Variants in TET3 observed in about 807,000 individuals in gnomAD.
TET3 encodes methylcytosine dioxygenase TET3.
Under a neutral mutation model 141.4 loss-of-function variants are expected in TET3, and 19 were observed. The observed-to-expected ratio is 0.13, with a 90% CI of 0.09 to 0.20. The LOEUF (loss-of-function observed/expected upper bound fraction) is 0.20, where lower values mean the gene tolerates loss of function less well. Ranked by LOEUF, TET3 falls within the 10% of genes least tolerant of loss-of-function variation. TET3 has a pLI of 1.00. For missense variants in TET3, 1,874 were observed against 2,356.9 expected, an observed-to-expected ratio of 0.80 and a Z score of 4.24; for synonymous variants, 1,043 against 980.9, an observed-to-expected ratio of 1.06 and a Z score of -1.18.
chr2:74,054,626 G>T (rs910745087), intron 4 of TET3, among the ~76,000 whole-genome samples: 7 of 138,148 alleles, frequency 5.1e-5, no homozygotes, highest in African/African-American at 1.9e-4. Flanking sequence ...AGAAGCCCCA[G>T]AATGGAAGTT....
Position 73,986,296 on chromosome 2 carries a change from A to G in TET3, c.-108A>G. The G allele has an allele frequency of 9.6e-7, 1 of 1,044,814 alleles. No homozygotes were observed. The highest frequency in any genetic ancestry group is 1.2e-6 in the Non-Finnish European group (1 of 818,042). The allele number at this position is 1,044,814 out of a possible 1,614,324, so 64.7% of individuals were successfully genotyped here. A position where few individuals can be genotyped will look rare whatever the true frequency, so the allele number is the denominator to read the frequency against. The stretch of plus-strand genomic sequence containing the variant: ...TGAAGCCACTTGCCTTCACCCTTGT[A>G]GACTCTTGACTGTTCTAGGCGAGAA... On this transcript the variant is annotated 5_prime_UTR_variant, in exon 2 of 12. Coordinates refer to ENST00000409262, the MANE Select transcript of TET3 (RefSeq NM_001287491.2).
intron 2 of TET3, among the ~76,000 whole-genome samples, chr2:73,995,094 G>A (rs1241416557): frequency 6.6e-6 from 1 of 152,012 alleles, no homozygotes; most frequent in African/African-American, 2.4e-5. Flanking sequence ...CAGGTAGCTG[G>A]GACTGCAGGC....
rs749710211 is a variant in TET3 at position 74,046,495 on chromosome 2, G to A, written c.578G>A (p.Arg193His). The A allele has an allele frequency of 9.9e-6, 16 of 1,613,796 alleles. No homozygotes were observed. Among genetic ancestry groups the A allele is most frequent in the South Asian group, 3.3e-5 (3 of 91,084 alleles). Residue 193 changes from arginine to histidine, a missense_variant, in exon 4 of 12, where the codon CGC (arginine) becomes CAC (histidine). By Grantham distance (29) the Arg-to-His change is conservative. Around this residue, in one of 10 missense-constraint regions of TET3, gnomAD observed 366 missense variants for 487.0 expected, o/e 0.75. Transcript: ENST00000409262. The surrounding 1 kb of genome is among the most constrained non-coding windows in gnomAD (Gnocchi z 4.3). ...EAAPGPAHTA[R>H]LEDAHDLVAF... Reference sequence around the variant, plus strand: ...GCCCCAGGCCCAGCTCATACTGCTCGCCTGGAAGATGCCCACGATCTGGTG... The same window carrying A: ...GCCCCAGGCCCAGCTCATACTGCTCACCTGGAAGATGCCCACGATCTGGTG...
intron 3 of TET3, among the ~76,000 whole-genome samples, chr2:74,037,551 C>T (rs1340710050): frequency 2.6e-5 from 4 of 152,152 alleles, no homozygotes; most frequent in Non-Finnish European, 5.9e-5. Flanking sequence ...GGGGTGTTGC[C>T]ACCACTATCT....
chr2:74,100,580 T>C lies in TET3; in HGVS notation c.3792T>C (p.Tyr1264=). The C allele has an allele frequency of 6.2e-7, 1 of 1,613,786 alleles. No homozygotes were observed. Among genetic ancestry groups the C allele is most frequent in the Non-Finnish European group, 8.5e-7 (1 of 1,179,798 alleles). Residue 1264 remains tyrosine (Y), a synonymous_variant, in exon 12 of 12, where the codon TAT becomes TAC. Transcript: ENST00000409262. ...MNSVYSYHSY[Y]AQPSLTSVNG... Reference sequence around the variant, plus strand: ...GCGTGTACTCCTACCACTCCTACTATGCACAGCCCAGCCTGACCTCCGTCA... The same window carrying C: ...GCGTGTACTCCTACCACTCCTACTACGCACAGCCCAGCCTGACCTCCGTCA...
At chr2:74,085,509 A>C (rs1690076001) in intron 6 of TET3, among the ~76,000 whole-genome samples, 1 of 152,180 alleles carries the variant, frequency 6.6e-6, no homozygotes. Flanking sequence ...ATCCTTAGAG[A>C]CCACTCAGGT....
At position 74,047,031 on chromosome 2, in the gene TET3, C is replaced by T; in HGVS notation, c.1114C>T (p.Gln372Ter). 1 of 1,614,024 alleles carries T rather than the reference C, an allele frequency of 6.2e-7. No homozygotes were observed. The highest frequency in any genetic ancestry group is 8.5e-7 in the Non-Finnish European group (1 of 1,179,882). Residue 372 changes from glutamine to a stop codon, truncating the protein, a stop_gained, in exon 4 of 12, where the codon CAG (glutamine) becomes TAG (stop). Transcript: ENST00000409262. LOFTEE classifies it high-confidence loss of function. ...ALTQLSSALPQPSHSTPQASC... is the reference protein window; with the variant it reads ...ALTQLSSALP Reference sequence around the variant, plus strand: ...CACACAGCTCTCCTCTGCCCTCCCGCAGCCTTCTCATTCCACCCCCCAGGC... The same window carrying T: ...CACACAGCTCTCCTCTGCCCTCCCGTAGCCTTCTCATTCCACCCCCCAGGC...
At chr2:74,055,602 C>G (rs1398426483) in intron 4 of TET3, among the ~76,000 whole-genome samples, 5 of 152,164 alleles carry the variant, frequency 3.3e-5, no homozygotes, top group Non-Finnish European at 5.9e-5. Flanking sequence ...AGCGTTAAGT[C>G]CACTAAAATT....
intron 3 of TET3, among the ~76,000 whole-genome samples, chr2:74,017,505 C>G (rs958299744): frequency 6.6e-6 from 1 of 152,178 alleles, no homozygotes; most frequent in Non-Finnish European, 1.5e-5. Flanking sequence ...ATCTTTCTGT[C>G]CCTGGCTTAT....
chr2:74,065,584 G>A (rs932865400), intron 4 of TET3, among the ~76,000 whole-genome samples: 38 of 141,278 alleles, frequency 2.7e-4, no homozygotes, highest in Non-Finnish European at 4.9e-4. Context: ...TGGTCACCTG[G>A]TTCGTCCGTC....
chr2:74,071,444 T>C (rs1450767780), intron 4 of TET3, among the ~76,000 whole-genome samples: 1 of 152,238 alleles, frequency 6.6e-6, no homozygotes, highest in African/African-American at 2.4e-5. Context: ...CTCACTGTTT[T>C]TTTCTTTTAC....
chr2:74,012,086 G>A (rs1356497984), intron 3 of TET3, among the ~76,000 whole-genome samples: 4 of 152,150 alleles, frequency 2.6e-5, no homozygotes, highest in African/African-American at 9.7e-5. Flanking sequence ...TCAGCCTCCT[G>A]AGTAGCTAGG....
chr2:74,062,037 G>A (rs1688623236), intron 4 of TET3, among the ~76,000 whole-genome samples: 1 of 152,202 alleles, frequency 6.6e-6, no homozygotes, highest in African/African-American at 2.4e-5. Flanking sequence ...GGCAGAGGCT[G>A]CAGTCTCGGC....
intron 5 of TET3, among the ~76,000 whole-genome samples, chr2:74,076,081 A>G (rs1689487282): frequency 6.6e-6 from 1 of 152,082 alleles, no homozygotes; most frequent in Non-Finnish European, 1.5e-5. Context: ...CTCTTAAACA[A>G]CTTTTCATTA....
At chr2:74,055,568 T>A (rs1255920605) in intron 4 of TET3, among the ~76,000 whole-genome samples, 1 of 152,218 alleles carries the variant, frequency 6.6e-6, no homozygotes. Context: ...GGAATCTAAT[T>A]ATCTATATAA....
intron 2 of TET3, among the ~76,000 whole-genome samples, chr2:73,995,540 A>G (rs904232112): frequency 2.6e-5 from 4 of 152,336 alleles, no homozygotes; most frequent in Admixed American, 2.0e-4. Context: ...CCTCTAATAT[A>G]GTTGCCATCG....
At chr2:74,132,559 T>A in the TET3 span, among the ~76,000 whole-genome samples, 148 of 152,282 alleles carry the variant, frequency 9.7e-4, no homozygotes, top group Middle Eastern at 3.4e-3. Flanking sequence ...GGCATTTTTT[T>A]AATTTTTTGT....
At chr2:74,096,731 G>A (rs2104165414) in intron 10 of TET3, among the ~76,000 whole-genome samples, 1 of 148,578 alleles carries the variant, frequency 6.7e-6, no homozygotes, top group Admixed American at 6.9e-5. Flanking sequence ...TGGCGCCACT[G>A]CACTCCAGCC....
rs1046522760 is a variant in TET3 at position 74,002,313 on chromosome 2, C to T, written c.304-797C>T. On this transcript the variant is annotated intron_variant, in intron 2 of 11. Transcript: ENST00000409262. ...CCTTGTGACAGGGCCCGGTGCCGTC[C>T]CAGCTGCTGCCAGGATGATGCTGGG... Among the ~76,000 whole-genome samples, 5 of 152,310 alleles carry T rather than the reference C, an allele frequency of 3.3e-5. No individual in the cohort carries two copies. In the South Asian group the frequency reaches 1.0e-3, roughly 32 times the overall value.
Sources: gnomAD v4.1 joint callset for allele counts (sites outside exome capture counted in the v4.1 genomes callset) on GRCh38, gnomAD v4.1.1 for gene constraint, gnomAD v4.1.1 regional missense constraint, Gnocchi (gnomAD v3.1) non-coding constraint, MANE v1.5 for transcripts, NCBI Gene and HGNC (gene_info 2026-07-23, HGNC 2026-07-21) for gene names.